The following FGF14 variants were observed in gnomAD, a reference collection of about 807,000 sequenced individuals.
The protein encoded by FGF14 is fibroblast growth factor 14.
In FGF14, 5 loss-of-function variants were observed where a neutral mutation model predicts 25.5. The observed-to-expected ratio is 0.20, with a 90% confidence interval of 0.10 to 0.41. FGF14 has a LOEUF of 0.41. Ranked by LOEUF, FGF14 falls within the 10% of genes least tolerant of loss-of-function variation. The pLI, the probability that FGF14 is intolerant of heterozygous loss-of-function variation, is 1.00. For synonymous variants in FGF14, 138 were observed against 118.3 expected (o/e 1.17, Z -1.08); for missense variants, 222 against 320.1 (o/e 0.69, Z 2.34).
At chr13:102,337,461 GT>G (rs1462349343) in intron 1 of FGF14, among the ~76,000 whole-genome samples, 3 of 152,098 alleles carry the variant, frequency 2.0e-5, no homozygotes. Flanking sequence ...CAAAGAAAGT[GT>G]TTTTTTGAGA....
At chr13:102,145,182 C>T (rs2046803937) in intron 1 of FGF14, among the ~76,000 whole-genome samples, 1 of 152,158 alleles carries the variant, frequency 6.6e-6, no homozygotes, top group Non-Finnish European at 1.5e-5. Flanking sequence ...GTTGAGCCCT[C>T]CTTAGCACTT....
At chr13:102,259,392 T>C (rs1410171700) in intron 1 of FGF14, among the ~76,000 whole-genome samples, 3 of 152,330 alleles carry the variant, frequency 2.0e-5, no homozygotes, top group Non-Finnish European at 4.4e-5. Flanking sequence ...TGTTTTGTTT[T>C]TTGAAACAGA....
chr13:101,917,097 T>A (rs942386620), upstream of FGF14, among the ~76,000 whole-genome samples: 1 of 151,070 alleles, frequency 6.6e-6, no homozygotes, highest in Non-Finnish European at 1.5e-5. Context: ...CCCGGCAGGG[T>A]CTCTGCGCGT....
intron 1 of FGF14, among the ~76,000 whole-genome samples, chr13:102,056,577 CATAA>C (rs1353190738): frequency 6.6e-6 from 1 of 151,994 alleles, no homozygotes; most frequent in African/African-American, 2.4e-5. Context: ...TTTGTGGTTC[CATAA>C]ATACTCACAA....
At chr13:102,282,029 G>C (rs888976821) in intron 1 of FGF14, among the ~76,000 whole-genome samples, 1 of 150,956 alleles carries the variant, frequency 6.6e-6, no homozygotes, top group Non-Finnish European at 1.5e-5. Context: ...AGATGCCACA[G>C]AGGCTGACCT....
intron 3 of FGF14, among the ~76,000 whole-genome samples, chr13:101,745,471 T>C (rs989931155): frequency 6.6e-6 from 1 of 152,168 alleles, no homozygotes; most frequent in Non-Finnish European, 1.5e-5. Context: ...CAAAGAACAA[T>C]TTCATTGCCT....
At chr13:101,741,008 T>C (rs1594091351) in intron 3 of FGF14, among the ~76,000 whole-genome samples, 1 of 152,194 alleles carries the variant, frequency 6.6e-6, no homozygotes, top group South Asian at 2.1e-4. Context: ...GTAAGCAAAG[T>C]GGTTCCCACA....
chr13:102,051,365 T>C (rs567992542), intron 1 of FGF14, among the ~76,000 whole-genome samples: 2 of 152,270 alleles, frequency 1.3e-5, no homozygotes, highest in African/African-American at 2.4e-5. Context: ...ATCATTGCCA[T>C]TACTTTCCCG....
intron 1 of FGF14, among the ~76,000 whole-genome samples, chr13:102,396,067 C>G (rs553576265): frequency 6.6e-6 from 1 of 152,204 alleles, no homozygotes; most frequent in Admixed American, 6.5e-5. Context: ...CCTCAGAAAA[C>G]TCCATGCCCT....
At chr13:102,234,521 T>C (rs1488000654) in intron 1 of FGF14, among the ~76,000 whole-genome samples, 1 of 152,146 alleles carries the variant, frequency 6.6e-6, no homozygotes, top group Non-Finnish European at 1.5e-5. Context: ...CATGGAAATA[T>C]ACACTTAAAA....
intron 1 of FGF14, among the ~76,000 whole-genome samples, chr13:102,287,309 A>G (rs997318478): frequency 6.6e-6 from 1 of 152,080 alleles, no homozygotes; most frequent in Non-Finnish European, 1.5e-5. Context: ...ATACTAAGAC[A>G]ATGAAATTAA....
chr13:101,865,993 C>T (rs1039041821), intron 3 of FGF14, among the ~76,000 whole-genome samples: 1 of 152,004 alleles, frequency 6.6e-6, no homozygotes, highest in Non-Finnish European at 1.5e-5. Context: ...AAAATTTACT[C>T]ATCTTAGTTC....
chr13:102,309,285 A>G (rs1462398850), intron 1 of FGF14, among the ~76,000 whole-genome samples: 2 of 152,172 alleles, frequency 1.3e-5, no homozygotes, highest in Non-Finnish European at 2.9e-5. Context: ...AGCGCACAGC[A>G]TGCCTGGAAA....
At chr13:101,819,444 A>G (rs2042004863) in intron 3 of FGF14, among the ~76,000 whole-genome samples, 1 of 152,210 alleles carries the variant, frequency 6.6e-6, no homozygotes, top group Non-Finnish European at 1.5e-5. Flanking sequence ...CACAGACTCA[A>G]TGTGAATAGG....
chr13:101,899,352 C>T (rs1322396072), intron 1 of FGF14, among the ~76,000 whole-genome samples: 2 of 151,590 alleles, frequency 1.3e-5, no homozygotes. Context: ...AGTTAACAGA[C>T]ACAGATTTTA....
At chr13:101,930,205 A>G (rs1204580165) in intron 1 of FGF14, among the ~76,000 whole-genome samples, 1 of 152,152 alleles carries the variant, frequency 6.6e-6, no homozygotes, top group Non-Finnish European at 1.5e-5. Flanking sequence ...CAAATGAGAA[A>G]CCCAACAAAA....
chr13:102,181,318 A>G (rs982497535), intron 1 of FGF14, among the ~76,000 whole-genome samples: 1 of 152,190 alleles, frequency 6.6e-6, no homozygotes, highest in East Asian at 1.9e-4. Flanking sequence ...ATTCCATGAC[A>G]TGGTAAAAGG....
chr13:102,059,712 G>A (rs868179864), intron 1 of FGF14, among the ~76,000 whole-genome samples: 5 of 152,052 alleles, frequency 3.3e-5, no homozygotes, highest in Middle Eastern at 3.4e-3. Flanking sequence ...TTAGCCAGGC[G>A]TGGTTCTGCA....
At chr13:101,963,289 G>C (rs1281404524) in intron 1 of FGF14, among the ~76,000 whole-genome samples, 3 of 151,972 alleles carry the variant, frequency 2.0e-5, no homozygotes, top group Admixed American at 1.3e-4. Flanking sequence ...TATTTATCTA[G>C]GGAGTGCCCC....
Sources: allele counts gnomAD v4.1 joint callset (sites outside exome capture counted in the v4.1 genomes callset), GRCh38; gene constraint gnomAD v4.1.1; transcripts MANE v1.5; gene names NCBI Gene and HGNC (gene_info 2026-07-23, HGNC 2026-07-21).